The following TUBGCP5 variants were observed in gnomAD, a reference collection of about 807,000 sequenced individuals.
TUBGCP5 encodes the protein tubulin gamma complex component 5, also known as gamma-tubulin complex component 5.
A neutral mutation model predicts 134.7 loss-of-function variants in TUBGCP5; 98 were observed. The observed-to-expected ratio is 0.73, with a 90% CI of 0.62 to 0.86. TUBGCP5 has a LOEUF of 0.86. TUBGCP5 is among the 40% of genes least tolerant of loss of function. TUBGCP5 has a pLI of 0.00. For synonymous variants in TUBGCP5, 456 were observed against 431.4 expected (o/e 1.06, Z -0.71); for missense variants, 1,150 against 1,244.8 (o/e 0.92, Z 1.15).
Position 23,008,784 on chromosome 15 carries a change from C to G in TUBGCP5, c.2242G>C (p.Glu748Gln), listed in dbSNP as rs764651082. 6.9e-6 allele frequency: 11 copies of G among 1,605,832 alleles called. No homozygotes were observed. The African/African-American group carries it at 1.5e-4, about 22-fold the overall frequency. ...FYTSIFDKIREKETWQNVSFL... is the reference protein window; with the variant it reads ...FYTSIFDKIRQKETWQNVSFL... ...GACACATTCTGCCATGTTTCCTTTT[C>G]TCTTATTTTATCAAAAATTGACGTG... Residue 748 changes from glutamate (E) to glutamine (Q), a missense_variant, in exon 16 of 23, where the codon GAA becomes CAA. Physicochemically the swap from Glu to Gln is conservative, Grantham distance 29. This residue lies in a region of TUBGCP5 where 697 missense variants were observed against 850.1 expected (regional missense o/e 0.82). Coordinates refer to ENST00000615383, the MANE Select transcript of TUBGCP5 (RefSeq NM_052903.6).
Position 23,005,940 on chromosome 15 carries a change from C to T in TUBGCP5, c.2533+112G>A, listed in dbSNP as rs1371691850. 6 of 1,079,252 alleles carry T rather than the reference C, an allele frequency of 5.6e-6. No individual in the cohort carries two copies. The South Asian group carries it at 1.1e-4, about 19-fold the overall frequency. 66.9% of individuals were successfully genotyped at this position (1,079,252 alleles called of 1,614,324 possible). A position where few individuals can be genotyped will look rare whatever the true frequency, so the allele number is the denominator to read the frequency against. On this transcript the variant is annotated intron_variant, in intron 18 of 22. Coordinates refer to ENST00000615383, the MANE Select transcript of TUBGCP5 (RefSeq NM_052903.6). The stretch of plus-strand genomic sequence containing the variant: ...CACATAAAAAATGATCAACAACCAC[C>T]AACTTTTTTTTTTTTTCCAGATCCC...
In TUBGCP5 at chr15:22,999,775, C is replaced by G; in HGVS notation, c.*45G>C. The G allele has an allele frequency of 6.3e-7, 1 of 1,587,616 alleles. No individual in the cohort carries two copies. Among genetic ancestry groups the G allele is most frequent in the Non-Finnish European group, 8.6e-7 (1 of 1,156,232 alleles). ...TTCAGCTGCACATGGTGGAAATGTA[C>G]ATGTATGATGACAAAGTCGGAGATA... On this transcript the variant is annotated 3_prime_UTR_variant, in exon 23 of 23. Transcript: ENST00000615383.
chr15:22,997,601 T>C (rs928305954), downstream of TUBGCP5, among the ~76,000 whole-genome samples: 8 of 151,948 alleles, frequency 5.3e-5, no homozygotes, highest in Admixed American at 3.3e-4. Flanking sequence ...CAGTTCTAGC[T>C]TTCATATTTT....
At position 23,028,421 on chromosome 15, in the gene TUBGCP5, G is replaced by C. The variant is rs527413703; in HGVS notation, c.623-1115C>G. ...AAAAAGCAAATCCAAAATTGAATCCGATCTAAAAATGTACTAAAAAATAAC... is the reference window on the plus strand; with the variant it reads ...AAAAAGCAAATCCAAAATTGAATCCCATCTAAAAATGTACTAAAAAATAAC... On this transcript the variant is annotated intron_variant, in intron 6 of 22. Transcript: ENST00000615383. Among the ~76,000 whole-genome samples the C allele has an allele frequency of 1.4e-3, 202 of 141,932 alleles. 1 individual carries two copies. The highest frequency in any genetic ancestry group is 4.9e-3 in the African/African-American group (189 of 38,504). The allele number at this position is 141,932 out of a possible 152,430, so 93.1% of individuals were successfully genotyped here.
chr15:22,995,610 C>A (rs188611491), downstream of TUBGCP5, among the ~76,000 whole-genome samples: 964 of 150,998 alleles, frequency 6.4e-3, 10 homozygotes, highest in African/African-American at 0.021. Flanking sequence ...ACCAAAAAAA[C>A]CCAAATTGGC....
intron 3 of TUBGCP5, among the ~76,000 whole-genome samples, chr15:23,033,289 T>C (rs538862378): frequency 4.6e-5 from 7 of 151,728 alleles, no homozygotes; most frequent in Admixed American, 3.3e-4. Context: ...ATATTTTTTT[T>C]CCCCCCGAGA....
chr15:23,034,357 T>C (rs2066468158), intron 3 of TUBGCP5, among the ~76,000 whole-genome samples: 1 of 152,110 alleles, frequency 6.6e-6, no homozygotes, highest in Admixed American at 6.6e-5. Context: ...GGCAGGGATG[T>C]TGGAATTATC....
In TUBGCP5 at chr15:23,026,159, T is replaced by C. The variant is rs1333323295; in HGVS notation, c.784A>G (p.Arg262Gly). The C allele has an allele frequency of 6.2e-7, 1 of 1,611,164 alleles. No homozygotes were observed. The highest frequency in any genetic ancestry group is 8.5e-7 in the Non-Finnish European group (1 of 1,179,312). Residue 262 changes from arginine (R) to glycine (G), a missense_variant, in exon 8 of 23, where the codon AGG becomes GGG. Coordinates refer to ENST00000615383, the MANE Select transcript of TUBGCP5 (RefSeq NM_052903.6). ...SSDPLYVPDD[R>G]VLVTETQVIR... Reference sequence around the variant, plus strand: ...ACCTGAGTCTCAGTAACCAAAACCCTGTCATCTGGAACATACAATGGATCA... The same window carrying C: ...ACCTGAGTCTCAGTAACCAAAACCCCGTCATCTGGAACATACAATGGATCA...
Position 23,031,125 on chromosome 15 carries a change from C to G in TUBGCP5, c.487-105G>C, listed in dbSNP as rs748492548. 4.7e-4 allele frequency: 564 copies of G among 1,205,840 alleles called. 3 individuals carry two copies. The highest frequency in any genetic ancestry group is 6.1e-4 in the Non-Finnish European group (549 of 903,916). 74.7% of individuals were successfully genotyped at this position (1,205,840 alleles called of 1,614,324 possible). On this transcript the variant is annotated intron_variant, in intron 5 of 22. Transcript: ENST00000615383. ...TTGAAGAAAAGCAAAAACTTTGAAG[C>G]AACATGGAACAGAAAAACAAATTTT... is the stretch of plus-strand genomic sequence containing the variant.
At chr15:22,985,816 C>CA (rs2063660267) in intron 23 of TUBGCP5, among the ~76,000 whole-genome samples, 1 of 151,474 alleles carries the variant, frequency 6.6e-6, no homozygotes, top group African/African-American at 2.4e-5. Flanking sequence ...GCCTGGGCGA[C>CA]AGAGTGAGAC....
intron 10 of TUBGCP5, 141 bp from the exon 11 acceptor site, chr15:23,022,302 G>T: frequency 1.3e-6 from 1 of 786,170 alleles, no homozygotes; most frequent in Non-Finnish European, 2.1e-6. Flanking sequence ...ATACCACAAG[G>T]ACCTAATTTC....
At chr15:23,019,499 T>A (rs939815355) in intron 11 of TUBGCP5, 165 bp from the exon 12 acceptor site, 11 of 597,544 alleles carry the variant, frequency 1.8e-5, no homozygotes, top group Admixed American at 1.2e-4. Flanking sequence ...AAAATCCTTA[T>A]GAAAAACTCA....
rs982380451 is a variant in TUBGCP5, at chr15:22,984,340, C to A, written c.*62-729G>T. On this transcript the variant is annotated intron_variant and NMD_transcript_variant, in intron 23 of 23. Transcript: ENST00000614508. ...ATGGAGAAAGAAAACTCTTTTTTGG[C>A]TGGGCACAGTGGCTCACACCTGTAA... is the stretch of plus-strand genomic sequence containing the variant. Among the ~76,000 whole-genome samples, 8 of 151,950 alleles carry A rather than the reference C, an allele frequency of 5.3e-5. 1 individual carries two copies. The highest frequency in any genetic ancestry group is 5.2e-4 in the Admixed American group (8 of 15,264).
intron 16 of TUBGCP5, among the ~76,000 whole-genome samples, chr15:23,007,027 A>C (rs984131586): frequency 1.3e-5 from 2 of 152,146 alleles, no homozygotes; most frequent in African/African-American, 4.8e-5. Flanking sequence ...AGAAGGTTTA[A>C]AGTGGGGAGT....
intron 3 of TUBGCP5, among the ~76,000 whole-genome samples, chr15:23,033,296 G>A (rs1028991056): frequency 6.6e-5 from 10 of 150,882 alleles, no homozygotes; most frequent in African/African-American, 1.5e-4. Context: ...TTTTCCCCCC[G>A]AGATGGATTT....
intron 3 of TUBGCP5, among the ~76,000 whole-genome samples, chr15:23,035,024 G>A (rs556929647): frequency 3.3e-4 from 50 of 152,084 alleles, no homozygotes; most frequent in African/African-American, 1.2e-3. Context: ...TGATCCCACA[G>A]ACATTAAAAG....
intron 6 of TUBGCP5, 32 bp downstream of exon 6, chr15:23,030,853 A>T (rs747564278): frequency 1.9e-6 from 3 of 1,597,826 alleles, no homozygotes; most frequent in Non-Finnish European, 2.6e-6. Flanking sequence ...TTTGTCTATT[A>T]GAAAATGCGA....
At chr15:23,028,033 C>T (rs758851081) in intron 6 of TUBGCP5, among the ~76,000 whole-genome samples, 2 of 152,018 alleles carry the variant, frequency 1.3e-5, no homozygotes, top group Non-Finnish European at 2.9e-5. Flanking sequence ...AGCCACCTAA[C>T]ATTTTATGAG....
intron 13 of TUBGCP5, among the ~76,000 whole-genome samples, chr15:23,016,969 G>GATACATATATATAT (rs1555439438): frequency 1.8e-5 from 2 of 109,396 alleles, no homozygotes; most frequent in African/African-American, 7.2e-5. Context: ...AAAATTGTGA[G>GATACATATATATAT]ATATATATAT....
Sources: gnomAD v4.1 joint callset for allele counts (sites outside exome capture counted in the v4.1 genomes callset) on GRCh38, gnomAD v4.1.1 for gene constraint, gnomAD v4.1.1 regional missense constraint, MANE v1.5 for transcripts, NCBI Gene and HGNC (gene_info 2026-07-23, HGNC 2026-07-21) for gene names.